MUSK: variants seen among roughly 807,000 people sequenced by gnomAD.
MUSK encodes the protein muscle associated receptor tyrosine kinase.
MUSK carries 55 observed loss-of-function variants against 88.7 expected under a neutral mutation model. The observed-to-expected ratio is 0.62, with a 90% confidence interval of 0.50 to 0.78. The LOEUF (loss-of-function observed/expected upper bound fraction) is 0.78, where lower values mean the gene tolerates loss of function less well. MUSK is among the 30% of genes least tolerant of loss of function. MUSK has a pLI of 0.00. For synonymous variants in MUSK, 387 were observed against 391.9 expected (o/e 0.99, Z 0.15); for missense variants, 1,015 against 1,074.3 (o/e 0.94, Z 0.77).
At chr9:110,740,695 C>T (rs982118967) in intron 6 of MUSK, among the ~76,000 whole-genome samples, 1 of 152,060 alleles carries the variant, frequency 6.6e-6, no homozygotes, top group African/African-American at 2.4e-5. Context: ...GAATGGTAAC[C>T]CTGAGGCATC....
At chr9:110,690,632 AT>A (rs2076338576) in intron 3 of MUSK, among the ~76,000 whole-genome samples, 1 of 10,212 alleles carries the variant, frequency 9.8e-5, no homozygotes, top group African/African-American at 4.8e-4. Context: ...AAGTATATAT[AT>A]AAATATATAT....
rs2077316103 is a variant in MUSK at position 110,755,979 on chromosome 9, C to CATATATATATACGT, written c.914-6212_914-6211insCGTATATATATATA. Among the ~76,000 whole-genome samples, 11 of 102,520 alleles carry CATATATATATACGT rather than the reference C, an allele frequency of 1.1e-4. 1 individual carries two copies. The highest frequency in any genetic ancestry group is 3.5e-4 in the African/African-American group (10 of 28,526). 67.3% of individuals were successfully genotyped at this position (102,520 alleles called of 152,430 possible). A position where few individuals can be genotyped will look rare whatever the true frequency, so the allele number is the denominator to read the frequency against. ...ATATATATATACATATATATATATA[C>CATATATATATACGT]ATATATATATATATATATGAATTTA... On this transcript the variant is annotated intron_variant, in intron 7 of 14. Transcript: ENST00000374448.
At chr9:110,745,320 C>T (rs1425809663) in intron 6 of MUSK, among the ~76,000 whole-genome samples, 1 of 152,118 alleles carries the variant, frequency 6.6e-6, no homozygotes, top group East Asian at 1.9e-4. Context: ...AACAGTGGGA[C>T]TTAGGGCAAC....
At chr9:110,699,417 T>C (rs2076473291) in intron 5 of MUSK, among the ~76,000 whole-genome samples, 1 of 152,156 alleles carries the variant, frequency 6.6e-6, no homozygotes, top group Non-Finnish European at 1.5e-5. Flanking sequence ...CTTAGCACAA[T>C]TGCTGGTACA....
intron 5 of MUSK, among the ~76,000 whole-genome samples, chr9:110,706,580 G>A (rs981043667): frequency 6.6e-6 from 1 of 152,146 alleles, no homozygotes. Flanking sequence ...TATGGCAGTG[G>A]AACATGCTGA....
At chr9:110,675,069 A>T (rs1049357710) in intron 1 of MUSK, among the ~76,000 whole-genome samples, 1 of 152,108 alleles carries the variant, frequency 6.6e-6, no homozygotes, top group African/African-American at 2.4e-5. Flanking sequence ...GTTTCCATTT[A>T]TTTATTCCTT....
chr9:110,689,910 A>AAAATATATATTTAAATATAATATAT (rs1159211830), intron 3 of MUSK, among the ~76,000 whole-genome samples: 1 of 70,220 alleles, frequency 1.4e-5, no homozygotes, highest in Admixed American at 2.2e-4. Flanking sequence ...AATATACATA[A>AAAATATATATTTAAATATAATATAT]AAATACATAT....
At chr9:110,749,152 G>A (rs2077216026) in intron 7 of MUSK, among the ~76,000 whole-genome samples, 1 of 152,120 alleles carries the variant, frequency 6.6e-6, no homozygotes, top group South Asian at 2.1e-4. Flanking sequence ...AAATACTCTA[G>A]ATGACGCCCA....
At chr9:110,783,286 T>A (rs117608232) in intron 11 of MUSK, among the ~76,000 whole-genome samples, 2,981 of 152,216 alleles carry the variant, frequency 0.02, 50 homozygotes, top group Admixed American at 0.027. Flanking sequence ...GGTATTATAA[T>A]AATTTCTAAA....
intron 4 of MUSK, 60 bp downstream of exon 4, chr9:110,695,590 T>C (rs1483974538): frequency 4.5e-6 from 6 of 1,344,310 alleles, no homozygotes; most frequent in African/African-American, 1.5e-5. Context: ...TAACATTTCT[T>C]TACACACTCA....
At chr9:110,788,398 G>A (rs1462931447) in intron 14 of MUSK, among the ~76,000 whole-genome samples, 1 of 151,952 alleles carries the variant, frequency 6.6e-6, no homozygotes, top group African/African-American at 2.4e-5. Flanking sequence ...TTAGGAGGCC[G>A]AGGCAGGCAG....
At chr9:110,741,336 T>G (rs2077095041) in intron 6 of MUSK, among the ~76,000 whole-genome samples, 1 of 152,114 alleles carries the variant, frequency 6.6e-6, no homozygotes, top group Admixed American at 6.6e-5. Context: ...TTTCAAAAAC[T>G]AATGCTTTGC....
chr9:110,672,240 C>T (rs181758761), intron 1 of MUSK, among the ~76,000 whole-genome samples: 1 of 152,154 alleles, frequency 6.6e-6, no homozygotes, highest in African/African-American at 2.4e-5. Flanking sequence ...AAGTAGGCAG[C>T]TTCTCAGTGA....
chr9:110,726,762 T>C (rs10980546), intron 5 of MUSK, among the ~76,000 whole-genome samples: 26,669 of 152,004 alleles, frequency 0.18, 3,131 homozygotes, highest in East Asian at 0.51. Flanking sequence ...TTTTGTTTTG[T>C]TTTGTTTGTT....
At chr9:110,774,575 G>A (rs543588711) in intron 9 of MUSK, among the ~76,000 whole-genome samples, 108 of 152,076 alleles carry the variant, frequency 7.1e-4, no homozygotes, top group African/African-American at 2.4e-3. Context: ...TGCTGTCTGC[G>A]TGCAAAAAAA....
At chr9:110,702,079 C>T (rs966041266) in intron 5 of MUSK, among the ~76,000 whole-genome samples, 4 of 151,124 alleles carry the variant, frequency 2.6e-5, no homozygotes, top group South Asian at 2.1e-4. Flanking sequence ...GAAATATCCT[C>T]GGATATGAGC....
intron 14 of MUSK, among the ~76,000 whole-genome samples, chr9:110,797,468 T>C (rs1036439523): frequency 3.9e-5 from 6 of 152,096 alleles, no homozygotes; most frequent in African/African-American, 1.4e-4. Context: ...ATGTGAGTGA[T>C]TAGCTGAAGT....
intron 5 of MUSK, among the ~76,000 whole-genome samples, chr9:110,730,886 C>T (rs148895323): frequency 6.6e-6 from 1 of 151,772 alleles, no homozygotes; most frequent in Non-Finnish European, 1.5e-5. Context: ...TCCTCATCCT[C>T]TTCCTCCCCA....
chr9:110,729,912 C>T (rs1052794810), intron 5 of MUSK, among the ~76,000 whole-genome samples: 1 of 152,028 alleles, frequency 6.6e-6, no homozygotes, highest in African/African-American at 2.4e-5. Context: ...TTTTATTACA[C>T]TCCAGTGCAA....
Sources: gnomAD v4.1 joint callset for allele counts (sites outside exome capture counted in the v4.1 genomes callset) on GRCh38, gnomAD v4.1.1 for gene constraint, MANE v1.5 for transcripts, NCBI Gene and HGNC (gene_info 2026-07-23, HGNC 2026-07-21) for gene names.